Variants in PSPC1 observed in about 807,000 individuals in gnomAD.
The protein encoded by PSPC1 is paraspeckle protein 1.
A neutral mutation model predicts 51.6 loss-of-function variants in PSPC1; 14 were observed. The observed-to-expected ratio is 0.27, with a 90% CI of 0.18 to 0.42. The LOEUF is 0.42. Ranked by LOEUF, PSPC1 falls within the 10% of genes least tolerant of loss-of-function variation. The pLI is 1.00. For synonymous variants in PSPC1, 193 were observed against 231.9 expected, an observed-to-expected ratio of 0.83 and a Z score of 1.53; for missense variants, 406 against 701.1, an observed-to-expected ratio of 0.58 and a Z score of 4.75.
intron 5 of PSPC1, among the ~76,000 whole-genome samples, chr13:19,736,413 G>C (rs1013857629): frequency 2.0e-5 from 3 of 152,128 alleles, no homozygotes; most frequent in Non-Finnish European, 4.4e-5. Context: ...GCCACGCACA[G>C]TGGCTCAAGC....
rs1018499751 is a variant in PSPC1 at position 19,696,880 on chromosome 13, T to C, written c.1159-19057A>G. On this transcript the variant is annotated intron_variant and NMD_transcript_variant, in intron 6 of 7. Transcript: ENST00000471658. ...AAAGTACACTTCTCCACATACCCTC[T>C]TCATTTGAATTAACTAGGTTTTAAA... is the stretch of plus-strand genomic sequence containing the variant. 3.3e-5 allele frequency among the ~76,000 whole-genome samples: 5 copies of C among 152,244 alleles called. No individual in the cohort carries two copies. In the East Asian group the frequency reaches 9.6e-4, roughly 29 times the overall value.
At chr13:19,743,829 T>C (rs1885676717) in intron 4 of PSPC1, among the ~76,000 whole-genome samples, 1 of 152,122 alleles carries the variant, frequency 6.6e-6, no homozygotes, top group African/African-American at 2.4e-5. Flanking sequence ...CTGACCAGTA[T>C]TTAAGTAATG....
At chr13:19,759,778 C>T (rs1297955299) in intron 2 of PSPC1, among the ~76,000 whole-genome samples, 1 of 151,084 alleles carries the variant, frequency 6.6e-6, no homozygotes, top group Non-Finnish European at 1.5e-5. Context: ...AGGAGAACTG[C>T]TTGAACCCCA....
downstream of PSPC1, chr13:19,671,895 C>T (rs372284464): frequency 2.5e-5 from 41 of 1,612,172 alleles, no homozygotes; most frequent in East Asian, 4.5e-5. Flanking sequence ...AGGGACTGGG[C>T]GGAGTTCTCT....
chr13:19,676,962 C>T (rs1187957505), intron 7 of PSPC1, among the ~76,000 whole-genome samples: 3 of 152,208 alleles, frequency 2.0e-5, no homozygotes, highest in Admixed American at 1.3e-4. Context: ...TGGCCGGGCA[C>T]AGTGGCTCAC....
At chr13:19,757,894 C>T (rs1214019425) in intron 3 of PSPC1, among the ~76,000 whole-genome samples, 1 of 152,122 alleles carries the variant, frequency 6.6e-6, no homozygotes, top group African/African-American at 2.4e-5. Flanking sequence ...TGGAGGCAGT[C>T]CATCTAGGGA....
At chr13:19,719,075 T>G (rs1882461191) in intron 6 of PSPC1, among the ~76,000 whole-genome samples, 5 of 150,092 alleles carry the variant, frequency 3.3e-5, no homozygotes, top group Admixed American at 2.0e-4. Context: ...CCTCAGAATG[T>G]ACACCCAGAG....
chr13:19,743,980 T>C (rs1885695976), intron 4 of PSPC1, among the ~76,000 whole-genome samples: 1 of 152,014 alleles, frequency 6.6e-6, no homozygotes, highest in Non-Finnish European at 1.5e-5. Context: ...TGGTGGCGCA[T>C]GCCTGTAATC....
At chr13:19,696,541 C>T (rs770255743) in intron 6 of PSPC1, among the ~76,000 whole-genome samples, 83 of 151,738 alleles carry the variant, frequency 5.5e-4, no homozygotes, top group Non-Finnish European at 9.4e-4. Context: ...ACATATCTGA[C>T]GCTACAAAGA....
intron 6 of PSPC1, among the ~76,000 whole-genome samples, chr13:19,691,405 A>G (rs1434836568): frequency 6.6e-6 from 1 of 152,028 alleles, no homozygotes; most frequent in East Asian, 1.9e-4. Context: ...GGTGGCATGC[A>G]CCTGTGGTCC....
intron 2 of PSPC1, among the ~76,000 whole-genome samples, chr13:19,769,412 G>T (rs891176678): frequency 1.3e-5 from 2 of 152,046 alleles, no homozygotes; most frequent in Non-Finnish European, 2.9e-5. Flanking sequence ...AAAATTAGCC[G>T]GGCGTGGCGG....
chr13:19,771,331 G>T (rs970329084), intron 2 of PSPC1, among the ~76,000 whole-genome samples: 7 of 152,114 alleles, frequency 4.6e-5, no homozygotes, highest in African/African-American at 1.7e-4. Context: ...TAGAGACAGG[G>T]TTTCGCCATT....
intron 2 of PSPC1, among the ~76,000 whole-genome samples, chr13:19,761,411 G>C (rs898669764): frequency 2.0e-5 from 3 of 151,912 alleles, no homozygotes; most frequent in Non-Finnish European, 2.9e-5. Context: ...CCATGCAAGG[G>C]GCATTAAAAT....
chr13:19,732,125 T>G (rs1347202307), intron 5 of PSPC1, among the ~76,000 whole-genome samples: 1 of 152,154 alleles, frequency 6.6e-6, no homozygotes, highest in Admixed American at 6.5e-5. Flanking sequence ...ACTCAGAACT[T>G]CATGTCAGAC....
chr13:19,746,119 C>T (rs1380576675), intron 4 of PSPC1, among the ~76,000 whole-genome samples: 1 of 151,286 alleles, frequency 6.6e-6, no homozygotes, highest in East Asian at 2.0e-4. Flanking sequence ...AATTCTCCTG[C>T]CTCAGCTACC....
intron 5 of PSPC1, among the ~76,000 whole-genome samples, chr13:19,731,144 A>G (rs1275937153): frequency 1.3e-5 from 2 of 151,914 alleles, no homozygotes; most frequent in African/African-American, 4.8e-5. Flanking sequence ...ATATTCATCA[A>G]CCCACTGAAA....
At chr13:19,761,569 A>G (rs903532145) in intron 2 of PSPC1, among the ~76,000 whole-genome samples, 10 of 152,204 alleles carry the variant, frequency 6.6e-5, no homozygotes, top group African/African-American at 2.2e-4. Flanking sequence ...GAAAAGATAC[A>G]AAATAACTTT....
intron 1 of PSPC1, among the ~76,000 whole-genome samples, chr13:19,774,811 A>AT (rs1281973900): frequency 1.2e-4 from 18 of 149,122 alleles, no homozygotes; most frequent in Non-Finnish European, 2.5e-4. Flanking sequence ...TGTCCAAAAA[A>AT]AAAAAAACAA....
chr13:19,676,076 G>C (rs1876597411), intron 7 of PSPC1, among the ~76,000 whole-genome samples: 1 of 152,206 alleles, frequency 6.6e-6, no homozygotes, highest in Non-Finnish European at 1.5e-5. Flanking sequence ...TAAGCTTATA[G>C]AATCTCTCTC....
Sources: allele counts gnomAD v4.1 joint callset (sites outside exome capture counted in the v4.1 genomes callset), GRCh38; gene constraint gnomAD v4.1.1; transcripts MANE v1.5; gene names NCBI Gene and HGNC (gene_info 2026-07-23, HGNC 2026-07-21).